Variants in PLCG2 observed in about 807,000 individuals in gnomAD.
PLCG2 encodes the protein 1-phosphatidylinositol 4,5-bisphosphate phosphodiesterase gamma-2.
A neutral mutation model predicts 175.6 loss-of-function variants in PLCG2; 69 were observed. The ratio of observed to expected loss-of-function variants is 0.39; its 90% CI spans 0.32 to 0.48. PLCG2 has a LOEUF of 0.48. Ranked by LOEUF, PLCG2 falls within the 20% of genes least tolerant of loss-of-function variation. PLCG2 has a pLI of 0.91. For missense variants in PLCG2, 1,798 were observed against 1,650.9 expected, an observed-to-expected ratio of 1.09 and a Z score of -1.54; for synonymous variants, 827 against 624.0, an observed-to-expected ratio of 1.33 and a Z score of -4.85.
chr16:81,744,354 G>A lies in PLCG2; in HGVS notation c.-145+4969G>A, dbSNP rs146808363. Reference sequence around the variant, plus strand: ...TAATTTTTGTATTTTTAGTAGAGACGGGGTTTCACCATATTAGCCAGGATG... The same window carrying A: ...TAATTTTTGTATTTTTAGTAGAGACAGGGTTTCACCATATTAGCCAGGATG... On this transcript the variant is annotated intron_variant, in intron 1 of 5. Coordinates refer to the PLCG2 transcript ENST00000565054. Among the ~76,000 whole-genome samples, 492 of 148,212 alleles carry A rather than the reference G, an allele frequency of 3.3e-3. 4 individuals carry two copies. The highest frequency in any genetic ancestry group is 0.012 in the African/African-American group (473 of 39,910).
intron 2 of PLCG2, among the ~76,000 whole-genome samples, chr16:81,834,943 C>G (rs1053578104): frequency 2.6e-5 from 4 of 152,140 alleles, no homozygotes; most frequent in Non-Finnish European, 4.4e-5. Context: ...GTGCCAAGTC[C>G]TTGCTGTAAT....
chr16:81,875,652 G>A (rs1907745389), intron 7 of PLCG2, among the ~76,000 whole-genome samples: 1 of 152,144 alleles, frequency 6.6e-6, no homozygotes, highest in Admixed American at 6.5e-5. Flanking sequence ...TGCCAATACT[G>A]TAATTTAATA....
chr16:81,919,759 A>G, intron 20 of PLCG2, 95 bp downstream of exon 20: 2 of 1,045,702 alleles, frequency 1.9e-6, no homozygotes, highest in African/African-American at 1.6e-5. Flanking sequence ...AGTATTCACC[A>G]TGTATCTGAT....
intron 20 of PLCG2, among the ~76,000 whole-genome samples, chr16:81,920,840 G>T (rs1307190850): frequency 2.0e-5 from 3 of 152,182 alleles, no homozygotes; most frequent in Non-Finnish European, 4.4e-5. Flanking sequence ...TTGATGTGCT[G>T]TCGTTGAACC....
intron 31 of PLCG2, among the ~76,000 whole-genome samples, chr16:81,948,881 T>A (rs556711694): frequency 8.5e-4 from 129 of 152,260 alleles, no homozygotes; most frequent in African/African-American, 3.1e-3. Flanking sequence ...GGTACACACC[T>A]GGAATAGATG....
rs1911818604 is a variant in PLCG2, at chr16:81,962,648, T to A, written c.*4650T>A. 1 of 220,482 alleles carries A rather than the reference T, an allele frequency of 4.5e-6. No homozygotes were observed. 13.7% of individuals were successfully genotyped at this position (220,482 alleles called of 1,614,324 possible). ...TGTTAATGTGAAAATTAAACAGCTGTATCACATTTTGAAAAATAAAAGTTT... is the reference window on the plus strand; with the variant it reads ...TGTTAATGTGAAAATTAAACAGCTGAATCACATTTTGAAAAATAAAAGTTT... On this transcript the variant is annotated 3_prime_UTR_variant, in exon 33 of 33. Transcript: ENST00000564138.
intron 2 of PLCG2, among the ~76,000 whole-genome samples, chr16:81,828,459 C>T (rs945011843): frequency 1.3e-5 from 2 of 151,884 alleles, no homozygotes; most frequent in African/African-American, 2.4e-5. Flanking sequence ...AGGATGGTCT[C>T]GATCTCCTGA....
At chr16:81,907,840 G>C (rs1369440068) in intron 16 of PLCG2, 66 bp downstream of exon 16, 1 of 1,132,288 alleles carries the variant, frequency 8.8e-7, no homozygotes, top group South Asian at 1.3e-5. Context: ...GCCAGTCCCC[G>C]GGACCTCCTT....
chr16:81,804,208 C>T (rs1316238827), intron 2 of PLCG2, among the ~76,000 whole-genome samples: 27 of 152,242 alleles, frequency 1.8e-4, no homozygotes, highest in Admixed American at 1.0e-3. Flanking sequence ...TCCTCGCCAA[C>T]ACATGTTAGT....
chr16:81,811,990 T>C (rs1904339062), intron 2 of PLCG2, among the ~76,000 whole-genome samples: 1 of 151,574 alleles, frequency 6.6e-6, no homozygotes, highest in Admixed American at 6.6e-5. Flanking sequence ...CTACCAACAG[T>C]GTAAAAGCAT....
intron 2 of PLCG2, among the ~76,000 whole-genome samples, chr16:81,817,990 A>G (rs1904626348): frequency 6.6e-6 from 1 of 152,232 alleles, no homozygotes; most frequent in South Asian, 2.1e-4. Context: ...GGAAGGGGCA[A>G]GATTAGAGAG....
chr16:81,910,334 A>T (rs928251745), intron 17 of PLCG2, among the ~76,000 whole-genome samples, 186 bp from the exon 18 acceptor site: 2 of 151,954 alleles, frequency 1.3e-5, no homozygotes, highest in African/African-American at 4.8e-5. Flanking sequence ...CAGGTGATCC[A>T]CCCGTCTCGG....
intron 2 of PLCG2, among the ~76,000 whole-genome samples, chr16:81,796,842 G>C (rs1452776935): frequency 1.3e-5 from 2 of 152,180 alleles, no homozygotes; most frequent in African/African-American, 4.8e-5. Context: ...CTCCAGAACT[G>C]TGAGACAAAC....
At chr16:81,893,608 C>T (rs1439092330) in intron 11 of PLCG2, 101 bp from the exon 12 acceptor site, 25 of 727,398 alleles carry the variant, frequency 3.4e-5, no homozygotes, top group Non-Finnish European at 1.2e-5. Flanking sequence ...GCTTTGGCGG[C>T]TCGGGCGGAG....
intron 30 of PLCG2, among the ~76,000 whole-genome samples, chr16:81,944,832 G>C (rs1179954608): frequency 6.6e-6 from 1 of 152,090 alleles, no homozygotes; most frequent in East Asian, 1.9e-4. Context: ...TATCTGGGGA[G>C]GTCCTGAACG....
At chr16:81,854,401 G>C (rs369293805) in intron 2 of PLCG2, 43 bp from the exon 3 acceptor site, 7 of 1,597,402 alleles carry the variant, frequency 4.4e-6, no homozygotes, top group African/African-American at 1.3e-5. Flanking sequence ...CTCAGGTGGA[G>C]GGAACTCCAG....
intron 25 of PLCG2, among the ~76,000 whole-genome samples, chr16:81,931,995 C>T (rs1490425367): frequency 6.6e-6 from 1 of 152,158 alleles, no homozygotes. Context: ...TTCTAAGTAT[C>T]ATATAAAGCA....
At chr16:81,815,593 G>A (rs1432982891) in intron 2 of PLCG2, among the ~76,000 whole-genome samples, 1 of 152,190 alleles carries the variant, frequency 6.6e-6, no homozygotes, top group Non-Finnish European at 1.5e-5. Flanking sequence ...CCCTTTCAGA[G>A]GCCATGGGGG....
At chr16:81,929,507 T>C (rs1910413706) in intron 24 of PLCG2, among the ~76,000 whole-genome samples, 1 of 152,218 alleles carries the variant, frequency 6.6e-6, no homozygotes, top group African/African-American at 2.4e-5. Flanking sequence ...GTGATTCTCC[T>C]GCCTCAGCCT....
Sources: gnomAD v4.1 joint callset for allele counts (sites outside exome capture counted in the v4.1 genomes callset) on GRCh38, gnomAD v4.1.1 for gene constraint, MANE v1.5 for transcripts, NCBI Gene and HGNC (gene_info 2026-07-23, HGNC 2026-07-21) for gene names.